Variants in CRACD observed in about 807,000 individuals in gnomAD.
The protein encoded by CRACD is capping protein inhibiting regulator of actin dynamics, also known as capping protein-inhibiting regulator of actin dynamics.
CRACD carries 56 observed loss-of-function variants against 106.8 expected under a neutral mutation model. The observed-to-expected ratio is 0.52, with a 90% CI of 0.42 to 0.66. The LOEUF (loss-of-function observed/expected upper bound fraction) is 0.66, where lower values mean the gene tolerates loss of function less well. Ranked by LOEUF, CRACD falls within the 30% of genes least tolerant of loss-of-function variation. The probability of loss-of-function intolerance (pLI) is 0.00; values close to 1 mark genes in which losing one functional copy is unlikely to be tolerated. For synonymous variants in CRACD, 754 were observed against 670.8 expected (o/e 1.12, Z -1.92); for missense variants, 1,730 against 1,623.2 (o/e 1.07, Z -1.13).
intron 3 of CRACD, among the ~76,000 whole-genome samples, chr4:56,281,105 G>A (rs1220855333): frequency 6.6e-6 from 1 of 152,184 alleles, no homozygotes; most frequent in African/African-American, 2.4e-5. Flanking sequence ...CCCAGGTGGT[G>A]AACCAGTACC....
At chr4:56,064,157 G>A (rs150206127) in intron 1 of CRACD, among the ~76,000 whole-genome samples, 111 of 152,236 alleles carry the variant, frequency 7.3e-4, no homozygotes, top group Admixed American at 1.5e-3. Context: ...TTGGAGAAAC[G>A]TCTGTTCAAG....
intron 4 of CRACD, among the ~76,000 whole-genome samples, chr4:56,306,825 G>A (rs1744744884): frequency 6.6e-6 from 1 of 152,098 alleles, no homozygotes; most frequent in South Asian, 2.1e-4. Context: ...TCCCCATTTG[G>A]TTCCTCTGTC....
chr4:56,184,514 G>T (rs1737000844), intron 2 of CRACD, among the ~76,000 whole-genome samples: 2 of 152,208 alleles, frequency 1.3e-5, no homozygotes, highest in African/African-American at 4.8e-5. Flanking sequence ...CACAGGTCTG[G>T]CTAGGGTTCT....
chr4:56,106,608 G>C (rs1331920347), intron 1 of CRACD, among the ~76,000 whole-genome samples: 1 of 152,194 alleles, frequency 6.6e-6, no homozygotes, highest in Admixed American at 6.5e-5. Context: ...TTAATAGTCA[G>C]AGCAGGTCAC....
intron 1 of CRACD, among the ~76,000 whole-genome samples, chr4:56,061,082 C>T (rs1732253453): frequency 6.6e-6 from 1 of 152,208 alleles, no homozygotes; most frequent in African/African-American, 2.4e-5. Context: ...AGCATAATCA[C>T]ATTGACTTTG....
rs146628011 is a variant in CRACD, at chr4:56,305,805, C to G, written c.121-1730C>G. On this transcript the variant is annotated intron_variant, in intron 4 of 10. Transcript: ENST00000682029. ...TATTATATCTCTGCAGTCTCACTGC[C>G]CACTGTGCAAGGCTGAGGGGGAGCT... is the stretch of plus-strand genomic sequence containing the variant. 3.4e-3 allele frequency among the ~76,000 whole-genome samples: 514 copies of G among 152,208 alleles called. 5 individuals carry two copies. Among genetic ancestry groups the G allele is most frequent in the African/African-American group, 0.012 (483 of 41,524 alleles).
intron 2 of CRACD, among the ~76,000 whole-genome samples, chr4:56,186,064 G>A (rs868646159): frequency 3.9e-5 from 6 of 152,286 alleles, no homozygotes; most frequent in Middle Eastern, 3.4e-3. Flanking sequence ...AGACAGCAGC[G>A]ACTTGAAATG....
intron 1 of CRACD, among the ~76,000 whole-genome samples, chr4:56,085,216 A>C (rs182618468): frequency 3.9e-5 from 6 of 152,274 alleles, no homozygotes; most frequent in Admixed American, 6.5e-5. Flanking sequence ...GACAGTGGAG[A>C]GGTGTGTGCT....
intron 1 of CRACD, among the ~76,000 whole-genome samples, chr4:56,102,541 T>C (rs146977267): frequency 2.0e-4 from 31 of 152,342 alleles, no homozygotes; most frequent in Middle Eastern, 3.4e-3. Context: ...TTTGAACGAA[T>C]TACCTTTTTG....
chr4:56,112,403 A>T (rs1037705012), intron 1 of CRACD, among the ~76,000 whole-genome samples: 3 of 152,242 alleles, frequency 2.0e-5, no homozygotes, highest in African/African-American at 7.2e-5. Context: ...ATCTCTAAGC[A>T]GCGGGAGAGA....
At chr4:56,259,120 G>GC (rs1741544202) in intron 2 of CRACD, among the ~76,000 whole-genome samples, 1 of 152,146 alleles carries the variant, frequency 6.6e-6, no homozygotes, top group Non-Finnish European at 1.5e-5. Context: ...TAAGGGTACT[G>GC]CTTCACTTTT....
chr4:56,330,106 A>T lies in CRACD; in HGVS notation c.*2302A>T, dbSNP rs867676830. 1.3e-4 allele frequency among the ~76,000 whole-genome samples: 20 copies of T among 152,304 alleles called. No individual in the cohort carries two copies. The highest frequency in any genetic ancestry group is 4.8e-4 in the African/African-American group (20 of 41,564). ...ATTTTGCTTTAGTAGTCTTCTGAGC[A>T]ACAAACTATGGGGAATTCTGTAAAA... On this transcript the variant is annotated 3_prime_UTR_variant, in exon 11 of 11. Transcript: ENST00000682029.
intron 1 of CRACD, among the ~76,000 whole-genome samples, chr4:56,102,313 A>G (rs562236624): frequency 6.6e-6 from 1 of 152,266 alleles, no homozygotes; most frequent in Middle Eastern, 3.4e-3. Flanking sequence ...TTTCATGTTT[A>G]TTAACTACTT....
intron 2 of CRACD, among the ~76,000 whole-genome samples, chr4:56,193,389 T>C (rs1737468975): frequency 6.6e-6 from 1 of 152,134 alleles, no homozygotes. Flanking sequence ...TCAAAGTTTG[T>C]TATCATAGCA....
At chr4:56,226,440 G>A (rs1046621303) in intron 2 of CRACD, among the ~76,000 whole-genome samples, 15 of 152,090 alleles carry the variant, frequency 9.9e-5, no homozygotes, top group Admixed American at 3.9e-4. Flanking sequence ...GCCCTTTTGC[G>A]TTGGCTCAAT....
At chr4:56,252,769 T>C (rs2109591933) in intron 2 of CRACD, among the ~76,000 whole-genome samples, 1 of 152,254 alleles carries the variant, frequency 6.6e-6, no homozygotes, top group African/African-American at 2.4e-5. Context: ...ACAGTCTGGA[T>C]ATACTGGGGC....
chr4:56,081,165 T>C (rs1733009135), intron 1 of CRACD, among the ~76,000 whole-genome samples: 1 of 152,210 alleles, frequency 6.6e-6, no homozygotes, highest in African/African-American at 2.4e-5. Context: ...GCCCTGTCTT[T>C]TGTTCAAATT....
chr4:56,124,635 A>G (rs1734602023), intron 1 of CRACD, among the ~76,000 whole-genome samples: 1 of 152,246 alleles, frequency 6.6e-6, no homozygotes, highest in Admixed American at 6.5e-5. Context: ...TCACGGTCCA[A>G]ATAAGTTTCT....
At chr4:56,317,454 A>G (rs1745751319) in intron 8 of CRACD, among the ~76,000 whole-genome samples, 1 of 152,234 alleles carries the variant, frequency 6.6e-6, no homozygotes, top group Non-Finnish European at 1.5e-5. Flanking sequence ...TACACAAGCG[A>G]TAAAAGGTGC....
Sources: gnomAD v4.1 joint callset for allele counts (sites outside exome capture counted in the v4.1 genomes callset) on GRCh38, gnomAD v4.1.1 for gene constraint, MANE v1.5 for transcripts, NCBI Gene and HGNC (gene_info 2026-07-23, HGNC 2026-07-21) for gene names.